The following ATP11A variants were observed in gnomAD, a reference collection of about 807,000 sequenced individuals.
ATP11A encodes the protein ATPase phospholipid transporting 11A, also known as phospholipid-transporting ATPase IH.
ATP11A carries 81 observed loss-of-function variants against 154.4 expected under a neutral mutation model. The observed-to-expected ratio is 0.52, with a 90% CI of 0.44 to 0.63. ATP11A has a LOEUF of 0.63. Ranked by LOEUF, ATP11A falls within the 30% of genes least tolerant of loss-of-function variation. The pLI, the probability that ATP11A is intolerant of heterozygous loss-of-function variation, is 0.00. For synonymous variants in ATP11A, 623 were observed against 585.9 expected (o/e 1.06, Z -0.91); for missense variants, 1,316 against 1,474.3 (o/e 0.89, Z 1.76).
intron 12 of ATP11A, among the ~76,000 whole-genome samples, chr13:112,828,403 G>A (rs919617526): frequency 6.8e-6 from 1 of 148,092 alleles, no homozygotes; most frequent in Non-Finnish European, 1.5e-5. Flanking sequence ...TGAGTAGGGG[G>A]GAAAGCGCCC....
At chr13:112,842,983 C>T (rs1309121822) in intron 17 of ATP11A, among the ~76,000 whole-genome samples, 4 of 152,252 alleles carry the variant, frequency 2.6e-5, no homozygotes, top group Non-Finnish European at 2.9e-5. Flanking sequence ...CTCCCCTCCC[C>T]GTCAGACGCG....
At chr13:112,841,265 C>T (rs1347174174) in intron 16 of ATP11A, among the ~76,000 whole-genome samples, 2 of 140,930 alleles carry the variant, frequency 1.4e-5, no homozygotes, top group African/African-American at 2.8e-5. Context: ...CTCTGTGTGT[C>T]GGGAGCACCT....
Position 112,883,137 on chromosome 13 carries a change from CTCTCGTCCCCTTG to C in ATP11A, c.*1274_*1286del. ...CCCCTCGTCTCCTCATCCCCACGTC[CTCTCGTCCCCTTG>C]TCCCGTCCCCACATACCCTCGTCCC... is the stretch of plus-strand genomic sequence containing the variant. On this transcript the variant is annotated 3_prime_UTR_variant, in exon 30 of 30. Transcript: ENST00000375645. The C allele has an allele frequency of 2.6e-6, 1 of 390,814 alleles. No homozygotes were observed. The highest frequency in any genetic ancestry group is 1.3e-4 in the South Asian group (1 of 7,678). The allele number at this position is 390,814 out of a possible 1,614,324, so 24.2% of individuals were successfully genotyped here. A position where few individuals can be genotyped will look rare whatever the true frequency, so the allele number is the denominator to read the frequency against.
At chr13:112,820,044 T>A in intron 8 of ATP11A, 94 bp downstream of exon 8, 2 of 1,271,798 alleles carry the variant, frequency 1.6e-6, no homozygotes, top group Non-Finnish European at 2.1e-6. Context: ...CGGCGGCTGC[T>A]CTGGTAGATT....
rs1294398796 is a variant in ATP11A, at chr13:112,864,416, C to T, written c.2991+1841C>T. Among the ~76,000 whole-genome samples, 14 of 105,334 alleles carry T rather than the reference C, an allele frequency of 1.3e-4. 3 individuals are homozygous for T. The highest frequency in any genetic ancestry group is 4.6e-4 in the African/African-American group (14 of 30,276). The allele number at this position is 105,334 out of a possible 152,430, so 69.1% of individuals were successfully genotyped here. A position where few individuals can be genotyped will look rare whatever the true frequency, so the allele number is the denominator to read the frequency against. ...CAGCGTAGCGCGTGCAGCTTCCCAGCGGGATCCATCACCACATGGGCAGTA... is the reference window on the plus strand; with the variant it reads ...CAGCGTAGCGCGTGCAGCTTCCCAGTGGGATCCATCACCACATGGGCAGTA... On this transcript the variant is annotated intron_variant, in intron 25 of 29. Coordinates refer to ENST00000375645, the MANE Select transcript of ATP11A (RefSeq NM_015205.3).
At chr13:112,836,926 C>T (rs1364198402) in intron 16 of ATP11A, among the ~76,000 whole-genome samples, 1 of 152,236 alleles carries the variant, frequency 6.6e-6, no homozygotes, top group Non-Finnish European at 1.5e-5. Flanking sequence ...TCTGTGGTCC[C>T]CTGACCTCCC....
At chr13:112,850,942 C>T (rs2079746277) in intron 17 of ATP11A, 95 bp from the exon 18 acceptor site, 1 of 1,159,796 alleles carries the variant, frequency 8.6e-7, no homozygotes, top group Admixed American at 2.2e-5. Context: ...GTTAGTTAGT[C>T]TAATGAGAGA....
In ATP11A at chr13:112,859,466, T is replaced by C. The variant is rs1226498837; in HGVS notation, c.2727+14T>C. On this transcript the variant is annotated intron_variant, in intron 23 of 29. Coordinates refer to ENST00000375645, the MANE Select transcript of ATP11A (RefSeq NM_015205.3). The surrounding 1 kb of genome is among the most constrained non-coding windows in gnomAD (Gnocchi z 4.3). ...TTTTCACAACAGGTCAGTCCTAGGG[T>C]CTTCAGGGACAGGCTGTCTGAGCCT... is the stretch of plus-strand genomic sequence containing the variant. 3 of 1,607,234 alleles carry C rather than the reference T, an allele frequency of 1.9e-6. No individual in the cohort carries two copies. The East Asian group carries it at 6.7e-5, about 36-fold the overall frequency.
intron 6 of ATP11A, among the ~76,000 whole-genome samples, chr13:112,817,617 C>G (rs1183115621): frequency 6.6e-6 from 1 of 152,196 alleles, no homozygotes; most frequent in Non-Finnish European, 1.5e-5. Flanking sequence ...CTTTACACCC[C>G]TTCCCTGCAG....
chr13:112,772,422 A>G (rs1297694383), intron 1 of ATP11A, among the ~76,000 whole-genome samples: 1 of 152,250 alleles, frequency 6.6e-6, no homozygotes, highest in Non-Finnish European at 1.5e-5. Flanking sequence ...CTTTGTTGAA[A>G]TATAACTTAC....
intron 26 of ATP11A, among the ~76,000 whole-genome samples, chr13:112,872,644 A>T (rs1400474289): frequency 6.6e-6 from 1 of 152,226 alleles, no homozygotes; most frequent in African/African-American, 2.4e-5. Flanking sequence ...TTCAGTAGAG[A>T]CATAAAGAAC....
chr13:112,868,447 G>A (rs1594231490), intron 25 of ATP11A, among the ~76,000 whole-genome samples: 2 of 152,234 alleles, frequency 1.3e-5, no homozygotes, highest in East Asian at 3.9e-4. Context: ...GGCTTAGCCT[G>A]CAGTGGTGGA....
rs141211454 is a variant in ATP11A, at chr13:112,778,343, C to A, written c.40-6792C>A. 1.2e-3 allele frequency among the ~76,000 whole-genome samples: 188 copies of A among 152,348 alleles called. No homozygotes were observed. In the East Asian group the frequency reaches 0.013, roughly 10 times the overall value. The stretch of plus-strand genomic sequence containing the variant: ...GAAAGCCCCGGCACACTCCAGCTCC[C>A]ATGCAGTTATGCTGTGTAAGAAATG... On this transcript the variant is annotated intron_variant, in intron 1 of 29. Coordinates refer to ENST00000375645, the MANE Select transcript of ATP11A (RefSeq NM_015205.3).
intron 1 of ATP11A, among the ~76,000 whole-genome samples, chr13:112,724,814 T>G (rs747837239): frequency 1.3e-5 from 2 of 152,006 alleles, no homozygotes; most frequent in South Asian, 2.1e-4. Context: ...ATTCCAAGGG[T>G]CCTGAAGCAT....
Position 112,875,986 on chromosome 13 carries a change from G to T in ATP11A, c.3327+45G>T. On this transcript the variant is annotated intron_variant, in intron 28 of 29. Coordinates refer to ENST00000375645, the MANE Select transcript of ATP11A (RefSeq NM_015205.3). This position sits in a 1 kb window ranked among gnomAD's most constrained non-coding sequence, Gnocchi z 4.1. ...GGGGCGGGGGTGCCTCAGGGCCCTGGCCTTAGGATTGGGAGATGACCGTTT... is the reference window on the plus strand; with the variant it reads ...GGGGCGGGGGTGCCTCAGGGCCCTGTCCTTAGGATTGGGAGATGACCGTTT... 6.3e-7 allele frequency: 1 copy of T among 1,577,638 alleles called. No homozygotes were observed.
chr13:112,765,505 G>T (rs1288700391), intron 1 of ATP11A, among the ~76,000 whole-genome samples: 1 of 152,222 alleles, frequency 6.6e-6, no homozygotes, highest in Non-Finnish European at 1.5e-5. Context: ...CTGGGACATG[G>T]TTAAGGTTAA....
intron 1 of ATP11A, among the ~76,000 whole-genome samples, chr13:112,743,298 G>GTGTGGTTAT (rs1385341148): frequency 2.0e-5 from 3 of 152,172 alleles, no homozygotes; most frequent in African/African-American, 7.2e-5. Context: ...GTTTTTAAGG[G>GTGTGGTTAT]TGTGGTTATT....
intron 1 of ATP11A, among the ~76,000 whole-genome samples, chr13:112,708,131 G>C (rs1024187293): frequency 1.5e-5 from 2 of 137,728 alleles, no homozygotes; most frequent in African/African-American, 5.6e-5. Context: ...TCACCAACCA[G>C]CTACCACTTC....
rs750322621 is a variant in ATP11A, at chr13:112,807,524, C to T, written c.333+1231C>T. ...GAGGGAGACTCACGCTTCCCAAGGA[C>T]GCGCTGCCTGTGACTCAGGCAGTTT... On this transcript the variant is annotated intron_variant, in intron 4 of 29. Transcript: ENST00000375645. This position sits in a 1 kb window ranked among gnomAD's most constrained non-coding sequence, Gnocchi z 4.5. Among the ~76,000 whole-genome samples the T allele has an allele frequency of 1.3e-5, 2 of 152,154 alleles. No homozygotes were observed. The highest frequency in any genetic ancestry group is 2.9e-5 in the Non-Finnish European group (2 of 68,024).
Sources: allele counts gnomAD v4.1 joint callset (sites outside exome capture counted in the v4.1 genomes callset), GRCh38; gene constraint gnomAD v4.1.1; non-coding constraint Gnocchi (gnomAD v3.1); transcripts MANE v1.5; gene names NCBI Gene and HGNC (gene_info 2026-07-23, HGNC 2026-07-21).